The following SNAP91 variants were observed in gnomAD, a reference collection of about 807,000 sequenced individuals.
The protein encoded by SNAP91 is clathrin coat assembly protein AP180.
A neutral mutation model predicts 100.3 loss-of-function variants in SNAP91; 27 were observed. The observed-to-expected ratio is 0.27, with a 90% CI of 0.20 to 0.37. SNAP91 has a LOEUF of 0.37. SNAP91 is among the 10% of genes least tolerant of loss of function. SNAP91 has a pLI of 1.00. For missense variants in SNAP91, 986 were observed against 1,123.7 expected, an observed-to-expected ratio of 0.88 and a Z score of 1.75; for synonymous variants, 404 against 398.6, an observed-to-expected ratio of 1.01 and a Z score of -0.16.
intron 24 of SNAP91, among the ~76,000 whole-genome samples, chr6:83,576,763 G>T (rs907825451): frequency 6.6e-6 from 1 of 152,206 alleles, no homozygotes; most frequent in Admixed American, 6.5e-5. Flanking sequence ...ACAACGATGT[G>T]CTGAGTCCCA....
intron 22 of SNAP91, among the ~76,000 whole-genome samples, chr6:83,588,585 T>C (rs2093216916): frequency 6.6e-6 from 1 of 152,248 alleles, no homozygotes; most frequent in African/African-American, 2.4e-5. Flanking sequence ...GGCACAGGTA[T>C]GTGCAGTTAC....
intron 2 of SNAP91, chr6:83,678,943 T>C: frequency 9.6e-7 from 1 of 1,039,644 alleles, no homozygotes; most frequent in Non-Finnish European, 1.2e-6. Flanking sequence ...AATATCTAAG[T>C]GAAATGAAAA....
At chr6:83,637,398 G>A (rs887730040) in intron 8 of SNAP91, among the ~76,000 whole-genome samples, 4 of 152,186 alleles carry the variant, frequency 2.6e-5, no homozygotes, top group African/African-American at 9.7e-5. Context: ...GCGGTCTGGT[G>A]TTGCAGTGGG....
At chr6:83,667,501 C>T (rs2098707903) in intron 2 of SNAP91, among the ~76,000 whole-genome samples, 2 of 151,146 alleles carry the variant, frequency 1.3e-5, no homozygotes, top group Admixed American at 1.3e-4. Context: ...CTTTTCACTG[C>T]TTTTTTTTGA....
intron 28 of SNAP91, among the ~76,000 whole-genome samples, chr6:83,557,339 T>A (rs1326946625): frequency 6.6e-6 from 1 of 152,054 alleles, no homozygotes; most frequent in East Asian, 1.9e-4. Context: ...ACTGACTAAT[T>A]ATATTATCTA....
Position 83,665,570 on chromosome 6 carries a change from C to T in SNAP91, c.142G>A (p.Ala48Thr), listed in dbSNP as rs759096781. Reference sequence around the variant, plus strand: ...ATATTAACATTGGTCTCGTTGGTAGCCTGGATCAAATCTATGAAAATAGAA... The same window carrying T: ...ATATTAACATTGGTCTCGTTGGTAGTCTGGATCAAATCTATGAAAATAGAA... Reference protein sequence around the residue: ...KKKHLDYLIQATNETNVNIPQ... With the variant: ...KKKHLDYLIQTTNETNVNIPQ... The change falls in exon 3 of 30, where the codon GCT becomes ACT. Residue 48 changes from alanine to threonine, a missense_variant. By Grantham distance (58) the Ala-to-Thr change is moderately conservative. Coordinates refer to ENST00000369694, the MANE Select transcript of SNAP91 (RefSeq NM_001242792.2). 3 of 1,609,426 alleles carry T rather than the reference C, an allele frequency of 1.9e-6. No homozygotes were observed. Among genetic ancestry groups the T allele is most frequent in the Non-Finnish European group, 2.5e-6 (3 of 1,178,450 alleles).
chr6:83,663,394 A>C (rs1025527336), intron 3 of SNAP91, among the ~76,000 whole-genome samples: 1 of 152,186 alleles, frequency 6.6e-6, no homozygotes, highest in Non-Finnish European at 1.5e-5. Flanking sequence ...TTGTAAATAT[A>C]AAGGAAAAGT....
At chr6:83,658,945 CA>C in intron 6 of SNAP91, 53 bp downstream of exon 6, 1 of 1,366,182 alleles carries the variant, frequency 7.3e-7, no homozygotes. Context: ...AGCCCATCTT[CA>C]AATGAAAGAC....
intron 10 of SNAP91, among the ~76,000 whole-genome samples, chr6:83,615,298 T>C (rs896481027): frequency 6.6e-6 from 1 of 152,008 alleles, no homozygotes; most frequent in African/African-American, 2.4e-5. Flanking sequence ...GGACCCTGAG[T>C]GGAAGAGTGC....
intron 11 of SNAP91, 43 bp downstream of exon 11, chr6:83,614,814 A>G: frequency 1.4e-6 from 2 of 1,479,416 alleles, no homozygotes; most frequent in Non-Finnish European, 9.1e-7. Context: ...TTGCATTTTT[A>G]GTAATTACCA....
At chr6:83,608,044 G>T (rs1349414212) in intron 12 of SNAP91, among the ~76,000 whole-genome samples, 1 of 151,824 alleles carries the variant, frequency 6.6e-6, no homozygotes, top group African/African-American at 2.4e-5. Flanking sequence ...AAAATATTTG[G>T]CTTAACATTG....
intron 25 of SNAP91, 144 bp downstream of exon 25, chr6:83,575,879 G>T: frequency 1.7e-6 from 1 of 585,480 alleles, no homozygotes; most frequent in Non-Finnish European, 3.0e-6. Context: ...AAAAATCTGG[G>T]ATGAAATAAA....
chr6:83,639,048 G>A (rs184190991), intron 8 of SNAP91, among the ~76,000 whole-genome samples: 143 of 152,288 alleles, frequency 9.4e-4, no homozygotes, highest in African/African-American at 3.3e-3. Context: ...AATTTGAATA[G>A]TTCCATAGAA....
chr6:83,607,036 C>T (rs570879427), intron 13 of SNAP91, among the ~76,000 whole-genome samples: 1 of 152,262 alleles, frequency 6.6e-6, no homozygotes, highest in South Asian at 2.1e-4. Flanking sequence ...AAACATAGGG[C>T]ATTCATAATC....
chr6:83,588,447 C>T lies in SNAP91; in HGVS notation c.2014+2764G>A, dbSNP rs139922658. On this transcript the variant is annotated intron_variant, in intron 22 of 29. Transcript: ENST00000369694. ...TTGATGATTTTCTCCTCTTTTCTAC[C>T]CCATTTTAATAAGATTTCAGAATAG... Among the ~76,000 whole-genome samples, 372 of 152,192 alleles carry T rather than the reference C, an allele frequency of 2.4e-3. 1 individual carries two copies. Among genetic ancestry groups the T allele is most frequent in the African/African-American group, 8.1e-3 (335 of 41,526 alleles).
At chr6:83,675,790 G>A (rs531066841) in intron 2 of SNAP91, among the ~76,000 whole-genome samples, 1 of 143,930 alleles carries the variant, frequency 6.9e-6, no homozygotes, top group East Asian at 2.1e-4. Context: ...GGTAATGCAA[G>A]CAAAGTATAT....
chr6:83,626,982 G>T (rs757360811), intron 8 of SNAP91, among the ~76,000 whole-genome samples: 1 of 152,046 alleles, frequency 6.6e-6, no homozygotes, highest in Admixed American at 6.6e-5. Context: ...TGTGATGTTG[G>T]CTGTGGGTTT....
rs2095240727 is a variant in SNAP91, at chr6:83,601,644, A to T, written c.1142-45T>A. The T allele has an allele frequency of 7.5e-6, 12 of 1,599,504 alleles. No individual in the cohort carries two copies. In the East Asian group the frequency reaches 2.7e-4, roughly 36 times the overall value. ...GGCAGCATAAGAATAAATAAGAGCTAAAGTTGAAACATGCAACCATACCAA... is the reference window on the plus strand; with the variant it reads ...GGCAGCATAAGAATAAATAAGAGCTTAAGTTGAAACATGCAACCATACCAA... On this transcript the variant is annotated intron_variant, in intron 14 of 29. Transcript: ENST00000369694.
At chr6:83,682,860 T>C (rs2099010549) in intron 2 of SNAP91, among the ~76,000 whole-genome samples, 1 of 151,788 alleles carries the variant, frequency 6.6e-6, no homozygotes, top group Non-Finnish European at 1.5e-5. Context: ...ATCCCTCTCT[T>C]ATGCCTGTAT....
Sources: gnomAD v4.1 joint callset for allele counts (sites outside exome capture counted in the v4.1 genomes callset) on GRCh38, gnomAD v4.1.1 for gene constraint, MANE v1.5 for transcripts, NCBI Gene and HGNC (gene_info 2026-07-23, HGNC 2026-07-21) for gene names.